KALRN: variants seen among roughly 807,000 people sequenced by gnomAD.
The protein encoded by KALRN is kalirin RhoGEF kinase, also known as kalirin.
A neutral mutation model predicts 353.7 loss-of-function variants in KALRN; 70 were observed. The ratio of observed to expected loss-of-function variants is 0.20; its 90% CI spans 0.16 to 0.24. KALRN has a LOEUF of 0.24. Ranked by LOEUF, KALRN falls within the 10% of genes least tolerant of loss-of-function variation. KALRN has a pLI of 1.00. For synonymous variants in KALRN, 1,391 were observed against 1,434.8 expected, an observed-to-expected ratio of 0.97 and a Z score of 0.69; for missense variants, 2,791 against 3,756.7, an observed-to-expected ratio of 0.74 and a Z score of 6.72.
At chr3:124,531,651 G>A (rs566486554) in intron 33 of KALRN, among the ~76,000 whole-genome samples, 2 of 152,158 alleles carry the variant, frequency 1.3e-5, no homozygotes, top group South Asian at 4.2e-4. Flanking sequence ...GAGGGGGGAG[G>A]TGCCACACAC....
intron 10 of KALRN, among the ~76,000 whole-genome samples, chr3:124,360,418 C>A (rs1374425717): frequency 6.6e-6 from 1 of 152,180 alleles, no homozygotes; most frequent in Admixed American, 6.5e-5. Context: ...TAGAGAGACA[C>A]TATGAGACAA....
At position 124,039,798 on chromosome 3, in the gene KALRN, C is replaced by A. The variant is rs569605814; in HGVS notation, c.73+5985C>A. Among the ~76,000 whole-genome samples, 46 of 151,554 alleles carry A rather than the reference C, an allele frequency of 3.0e-4. 2 individuals carry two copies. The South Asian group carries it at 9.2e-3, about 30-fold the overall frequency. On this transcript the variant is annotated intron_variant, in intron 1 of 59. Coordinates refer to ENST00000682506, the MANE Select transcript of KALRN (RefSeq NM_001388419.1). ...CATCTCTTTTTTTTTTTAAGTTATG[C>A]TTGATGCTCCAGAGTGTAAACACGA...
intron 42 of KALRN, 129 bp from the exon 43 acceptor site, chr3:124,659,236 A>T (rs907771599): frequency 1.4e-6 from 1 of 713,324 alleles, no homozygotes; most frequent in African/African-American, 1.8e-5. Flanking sequence ...TTTACCTCTC[A>T]CATTACTTAA....
intron 58 of KALRN, among the ~76,000 whole-genome samples, chr3:124,715,246 T>G (rs2063082784): frequency 6.6e-6 from 1 of 152,174 alleles, no homozygotes; most frequent in Non-Finnish European, 1.5e-5. Context: ...CTAACCCCTG[T>G]GCTGGATCTC....
intron 1 of KALRN, among the ~76,000 whole-genome samples, chr3:124,133,976 T>A (rs2065617873): frequency 6.6e-6 from 1 of 152,136 alleles, no homozygotes; most frequent in Non-Finnish European, 1.5e-5. Flanking sequence ...ACAAATTCAA[T>A]GCAATCCCCA....
chr3:124,411,693 G>T (rs375885425), intron 13 of KALRN, among the ~76,000 whole-genome samples: 1 of 151,910 alleles, frequency 6.6e-6, no homozygotes, highest in Non-Finnish European at 1.5e-5. Context: ...TGATCCTCCC[G>T]CCTTGGCCTC....
chr3:124,099,847 C>T (rs888672597), intron 1 of KALRN, among the ~76,000 whole-genome samples: 6 of 152,108 alleles, frequency 3.9e-5, no homozygotes, highest in Admixed American at 2.0e-4. Flanking sequence ...ACCTGTTGGC[C>T]ATTTGTATGT....
intron 49 of KALRN, among the ~76,000 whole-genome samples, chr3:124,676,625 A>T (rs902233000): frequency 2.0e-5 from 3 of 152,210 alleles, no homozygotes; most frequent in Non-Finnish European, 2.9e-5. Context: ...AGCATATTAA[A>T]TAACCCAGAG....
chr3:124,085,996 A>G (rs577419094), intron 1 of KALRN, among the ~76,000 whole-genome samples: 2 of 152,332 alleles, frequency 1.3e-5, no homozygotes, highest in South Asian at 4.1e-4. Context: ...TCAATAATAG[A>G]TCATGGAACC....
intron 34 of KALRN, among the ~76,000 whole-genome samples, chr3:124,568,613 C>G (rs911032053): frequency 3.9e-5 from 6 of 152,162 alleles, no homozygotes; most frequent in African/African-American, 7.2e-5. Flanking sequence ...CAGTGTCCAG[C>G]AACAGGTGAA....
rs184574944 is a variant in KALRN at position 124,694,312 on chromosome 3, G to A, written c.7406-20G>A. 2.6e-5 allele frequency: 42 copies of A among 1,609,932 alleles called. No individual in the cohort carries two copies. Among genetic ancestry groups the A allele is most frequent in the Admixed American group, 5.0e-5 (3 of 59,764 alleles). On this transcript the variant is annotated intron_variant, in intron 52 of 59. Coordinates refer to ENST00000682506, the MANE Select transcript of KALRN (RefSeq NM_001388419.1). ...TAAATTTGCTCTGAATGATGTTAAT[G>A]TATGTTGATTTGATCACAGTGGCCC...
intron 1 of KALRN, among the ~76,000 whole-genome samples, chr3:124,037,920 T>C (rs891012803): frequency 2.0e-5 from 3 of 151,150 alleles, no homozygotes; most frequent in African/African-American, 7.3e-5. Flanking sequence ...ACATGAAGCA[T>C]GGGGGGGGCG....
intron 31 of KALRN, 98 bp downstream of exon 31, chr3:124,491,522 T>G: frequency 1.3e-6 from 1 of 792,816 alleles, no homozygotes; most frequent in Non-Finnish European, 1.9e-6. Context: ...GAGACTCTAC[T>G]GAGCCATGGG....
In KALRN at chr3:124,340,621, G is replaced by A. The variant is rs139101410; in HGVS notation, c.1647+6126G>A. Among the ~76,000 whole-genome samples, 268 of 152,244 alleles carry A rather than the reference G, an allele frequency of 1.8e-3. 2 individuals are homozygous for A. Among genetic ancestry groups the A allele is most frequent in the African/African-American group, 6.2e-3 (256 of 41,556 alleles). The stretch of plus-strand genomic sequence containing the variant: ...TCCCATGAGCTCAGATGCGTTCATG[G>A]CCACTATACAGAGATTGTTTGTTAA... On this transcript the variant is annotated intron_variant, in intron 9 of 59. Coordinates refer to ENST00000682506, the MANE Select transcript of KALRN (RefSeq NM_001388419.1).
At chr3:124,690,716 C>T (rs1232998589) in intron 51 of KALRN, among the ~76,000 whole-genome samples, 9 of 152,214 alleles carry the variant, frequency 5.9e-5, no homozygotes, top group African/African-American at 1.9e-4. Flanking sequence ...GGATACATAA[C>T]ATTTGCTCTG....
At position 124,725,977 on chromosome 3, in the gene KALRN, A is replaced by C. The variant is rs1165889081; in HGVS notation, c.*6507A>C. ...GTAACAATTGATTTAAAATCACTCC[A>C]CAGTATTGATAAATAGCTCTATATT... is the stretch of plus-strand genomic sequence containing the variant. On this transcript the variant is annotated 3_prime_UTR_variant, in exon 60 of 60. Transcript: ENST00000682506. The C allele has an allele frequency of 6.6e-6, 1 of 152,224 alleles. No individual in the cohort carries two copies. Among genetic ancestry groups the C allele is most frequent in the Non-Finnish European group, 1.5e-5 (1 of 68,042 alleles). The allele number at this position is 152,224 out of a possible 1,614,324, so 9.4% of individuals were successfully genotyped here.
chr3:124,581,893 A>G (rs1347483798), intron 34 of KALRN, among the ~76,000 whole-genome samples: 1 of 152,218 alleles, frequency 6.6e-6, no homozygotes, highest in East Asian at 1.9e-4. Flanking sequence ...GTGGGTCAGA[A>G]CTGGAACCCA....
chr3:124,232,211 A>C (rs1258896935), intron 2 of KALRN, among the ~76,000 whole-genome samples: 1 of 151,116 alleles, frequency 6.6e-6, no homozygotes, highest in Non-Finnish European at 1.5e-5. Flanking sequence ...CCTGGCACAG[A>C]TACTGTGGCC....
At chr3:124,316,694 C>G (rs1287493595) in intron 6 of KALRN, among the ~76,000 whole-genome samples, 2 of 152,162 alleles carry the variant, frequency 1.3e-5, no homozygotes, top group African/African-American at 2.4e-5. Flanking sequence ...CTATCCTTTT[C>G]CCAGGCATAT....
Sources: allele counts gnomAD v4.1 joint callset (sites outside exome capture counted in the v4.1 genomes callset), GRCh38; gene constraint gnomAD v4.1.1; transcripts MANE v1.5; gene names NCBI Gene and HGNC (gene_info 2026-07-23, HGNC 2026-07-21).